The following CIROZ variants were observed in gnomAD, a reference collection of about 807,000 sequenced individuals.
The protein encoded by CIROZ is ciliated left-right organizer ZP-N domains-containing protein.
the CIROZ span, chr1:10,957,778 A>G: frequency 1.2e-6 from 2 of 1,604,840 alleles, no homozygotes; most frequent in African/African-American, 2.7e-5. Flanking sequence ...CACGATCACA[A>G]ACCATGTGGC....
chr1:10,958,390 C>A, the CIROZ span, among the ~76,000 whole-genome samples: 1 of 152,250 alleles, frequency 6.6e-6, no homozygotes, highest in African/African-American at 2.4e-5. Context: ...TACAAAGGAA[C>A]AAGCTCCCTG....
the CIROZ span, among the ~76,000 whole-genome samples, chr1:10,978,393 G>T: frequency 6.6e-6 from 1 of 151,804 alleles, no homozygotes; most frequent in African/African-American, 2.4e-5. Context: ...AGAGGTGACA[G>T]TTGAACCAAG....
At chr1:10,954,860 T>C in the CIROZ span, 1 of 1,023,162 alleles carries the variant, frequency 9.8e-7, no homozygotes, top group Non-Finnish European at 1.4e-6. Flanking sequence ...CCCAAAGTGC[T>C]GGGATTACAG....
chr1:10,964,208 C>T, the CIROZ span: 1 of 1,614,218 alleles, frequency 6.2e-7, no homozygotes, highest in Non-Finnish European at 8.5e-7. Flanking sequence ...ATGTAGCGAT[C>T]ACTCCGCTCC....
the CIROZ span, among the ~76,000 whole-genome samples, chr1:10,981,261 CA>C: frequency 6.6e-5 from 10 of 152,102 alleles, no homozygotes; most frequent in Non-Finnish European, 1.5e-4. Flanking sequence ...CCAGCCTGGG[CA>C]ACACAGTAAG....
the CIROZ span, chr1:10,948,397 C>A: frequency 1.9e-6 from 3 of 1,613,010 alleles, no homozygotes; most frequent in Non-Finnish European, 2.5e-6. Flanking sequence ...TGGCCGGGCT[C>A]CCCCATGATG....
At chr1:10,967,892 T>C in the CIROZ span, among the ~76,000 whole-genome samples, 1 of 152,326 alleles carries the variant, frequency 6.6e-6, no homozygotes, top group East Asian at 1.9e-4. Flanking sequence ...GAGAATCACT[T>C]GAACCCAGGA....
chr1:10,975,407 GA>G, the CIROZ span, among the ~76,000 whole-genome samples: 2,136 of 78,434 alleles, frequency 0.027, 30 homozygotes, highest in African/African-American at 0.052. Context: ...CTCTGTCTCA[GA>G]AAAAAAAAAA....
At chr1:10,964,781 C>T in the CIROZ span, among the ~76,000 whole-genome samples, 2 of 152,154 alleles carry the variant, frequency 1.3e-5, no homozygotes, top group African/African-American at 2.4e-5. Context: ...CAGGCAGACG[C>T]CAACACGCCC....
At chr1:10,975,701 G>A in the CIROZ span, among the ~76,000 whole-genome samples, 30,329 of 151,998 alleles carry the variant, frequency 0.2, 3,212 homozygotes, top group Non-Finnish European at 0.22. Context: ...AGTGTCATCT[G>A]TTTGCGGGGT....
chr1:10,981,665 A>T, the CIROZ span, among the ~76,000 whole-genome samples: 1 of 152,194 alleles, frequency 6.6e-6, no homozygotes, highest in African/African-American at 2.4e-5. Context: ...CTCTTGGTCA[A>T]CTTGACCCCT....
the CIROZ span, among the ~76,000 whole-genome samples, chr1:10,977,837 C>T: frequency 1.3e-5 from 2 of 152,174 alleles, no homozygotes; most frequent in African/African-American, 2.4e-5. Flanking sequence ...CCATTGAAGA[C>T]ACCAGTAACC....
the CIROZ span, among the ~76,000 whole-genome samples, chr1:10,978,428 G>T: frequency 6.6e-6 from 1 of 151,392 alleles, no homozygotes; most frequent in African/African-American, 2.4e-5. Context: ...ACGGAGTCCC[G>T]CTGGGCATGG....
the CIROZ span, chr1:10,955,120 C>T: frequency 3.1e-6 from 5 of 1,613,836 alleles, no homozygotes; most frequent in Non-Finnish European, 4.2e-6. Context: ...GTAGGAACCT[C>T]TTTTGACTAG....
the CIROZ span, chr1:10,954,955 G>A: frequency 6.4e-7 from 1 of 1,561,522 alleles, no homozygotes; most frequent in Non-Finnish European, 8.7e-7. Flanking sequence ...CTCAGGAAGA[G>A]AAGGGGCGAG....
chr1:10,947,777 C>A, the CIROZ span: 2 of 1,598,290 alleles, frequency 1.3e-6, no homozygotes, highest in East Asian at 2.2e-5. Context: ...GGAGTGAGGC[C>A]CCCCGGCCAG....
chr1:10,970,113 G>C, the CIROZ span: 2 of 1,495,272 alleles, frequency 1.3e-6, no homozygotes, highest in Admixed American at 2.1e-5. Context: ...AAGGAGGAGG[G>C]AGGGAGGTGG....
chr1:10,980,052 A>AAAAG, the CIROZ span, among the ~76,000 whole-genome samples: 2 of 152,230 alleles, frequency 1.3e-5, no homozygotes, highest in Non-Finnish European at 2.9e-5. Flanking sequence ...CGTCTCAAAA[A>AAAAG]AAAGAAAGAA....
At chr1:10,958,610 G>T in the CIROZ span, 1 of 1,364,034 alleles carries the variant, frequency 7.3e-7, no homozygotes, top group Non-Finnish European at 1.0e-6. Flanking sequence ...ACTCTCCGGA[G>T]GACAAGCAAA....
Sources: allele counts gnomAD v4.1 joint callset (sites outside exome capture counted in the v4.1 genomes callset), GRCh38; gene constraint gnomAD v4.1.1; transcripts MANE v1.5; gene names NCBI Gene and HGNC (gene_info 2026-07-23, HGNC 2026-07-21).